Variants in ARHGAP26 observed in about 807,000 individuals in gnomAD.
ARHGAP26 encodes rho GTPase-activating protein 26.
A neutral mutation model predicts 104.8 loss-of-function variants in ARHGAP26; 38 were observed. The ratio of observed to expected loss-of-function variants is 0.36; its 90% CI spans 0.28 to 0.48. ARHGAP26 has a LOEUF of 0.48. ARHGAP26 is among the 20% of genes least tolerant of loss of function. ARHGAP26 has a pLI of 0.99. For synonymous variants in ARHGAP26, 341 were observed against 340.0 expected (o/e 1.00, Z -0.03); for missense variants, 704 against 947.9 (o/e 0.74, Z 3.38).
chr5:143,167,457 T>A (rs1802138442), intron 20 of ARHGAP26, among the ~76,000 whole-genome samples: 1 of 113,402 alleles, frequency 8.8e-6, no homozygotes, highest in Admixed American at 1.3e-4. Flanking sequence ...CACTCCAGCC[T>A]GCATGACAGA....
At chr5:143,092,553 A>T (rs1035153657) in intron 17 of ARHGAP26, among the ~76,000 whole-genome samples, 2 of 147,328 alleles carry the variant, frequency 1.4e-5, no homozygotes, top group Non-Finnish European at 1.5e-5. Flanking sequence ...TCCCCCCCCC[A>T]CCTTTTTTTT....
chr5:142,963,186 A>ATATG (rs1292960202), intron 11 of ARHGAP26, among the ~76,000 whole-genome samples: 1 of 100,226 alleles, frequency 1.0e-5, no homozygotes, highest in African/African-American at 7.3e-5. Flanking sequence ...ATATATATAT[A>ATATG]TATATATATA....
At chr5:143,206,215 A>G (rs1360821541) in intron 20 of ARHGAP26, among the ~76,000 whole-genome samples, 2 of 152,354 alleles carry the variant, frequency 1.3e-5, no homozygotes, top group East Asian at 3.9e-4. Flanking sequence ...CTTGTTTCAA[A>G]TAGTTCAGCA....
At chr5:142,819,719 AC>A (rs1400695036) in intron 1 of ARHGAP26, among the ~76,000 whole-genome samples, 3 of 152,232 alleles carry the variant, frequency 2.0e-5, no homozygotes, top group African/African-American at 7.2e-5. Context: ...AAAACTTATA[AC>A]TAAGGATCAA....
chr5:143,150,680 A>G (rs979114851), intron 20 of ARHGAP26, among the ~76,000 whole-genome samples: 3 of 152,228 alleles, frequency 2.0e-5, no homozygotes, highest in Admixed American at 6.5e-5. Flanking sequence ...GAGTCTTCAC[A>G]TAAAATTCAG....
At chr5:142,945,328 A>G (rs891428805) in intron 11 of ARHGAP26, among the ~76,000 whole-genome samples, 12 of 152,146 alleles carry the variant, frequency 7.9e-5, no homozygotes, top group Admixed American at 2.6e-4. Context: ...GCCACTCACT[A>G]TACCTATTCT....
intron 11 of ARHGAP26, among the ~76,000 whole-genome samples, chr5:142,962,398 A>C (rs1770403759): frequency 2.0e-5 from 3 of 152,230 alleles, no homozygotes. Flanking sequence ...ATATGAAAGA[A>C]TAGGGGAAAA....
At chr5:142,812,745 C>T (rs1764349847) in intron 1 of ARHGAP26, among the ~76,000 whole-genome samples, 2 of 151,856 alleles carry the variant, frequency 1.3e-5, no homozygotes, top group Admixed American at 1.3e-4. Context: ...GCTATGTTGC[C>T]CATGTTGGTC....
chr5:142,785,720 G>A (rs1758439274), intron 1 of ARHGAP26, among the ~76,000 whole-genome samples: 1 of 152,140 alleles, frequency 6.6e-6, no homozygotes, highest in African/African-American at 2.4e-5. Flanking sequence ...TGATGTTTGG[G>A]GGTGTCAGTG....
chr5:142,981,189 C>T (rs1773892169), intron 11 of ARHGAP26, among the ~76,000 whole-genome samples: 2 of 152,214 alleles, frequency 1.3e-5, no homozygotes, highest in Non-Finnish European at 2.9e-5. Flanking sequence ...AGAACATAGG[C>T]TTTGCTGCCC....
intron 1 of ARHGAP26, among the ~76,000 whole-genome samples, chr5:142,799,009 G>A (rs1367887334): frequency 6.6e-6 from 1 of 152,178 alleles, no homozygotes; most frequent in Non-Finnish European, 1.5e-5. Context: ...GCCCTGTTTA[G>A]GTGATGCTGT....
At chr5:143,056,138 T>A in intron 16 of ARHGAP26, 52 bp downstream of exon 16, 1 of 1,482,206 alleles carries the variant, frequency 6.7e-7, no homozygotes, top group Non-Finnish European at 9.4e-7. Context: ...TTTTTCTATT[T>A]CAAAGAAGAG....
chr5:142,869,854 T>C (rs139220454), intron 1 of ARHGAP26, among the ~76,000 whole-genome samples: 6 of 152,324 alleles, frequency 3.9e-5, no homozygotes, highest in Non-Finnish European at 8.8e-5. Flanking sequence ...AGAAGGGCAC[T>C]TCCTCTAGTC....
intron 3 of ARHGAP26, among the ~76,000 whole-genome samples, chr5:142,875,761 G>C (rs1299208175): frequency 6.6e-6 from 1 of 152,218 alleles, no homozygotes; most frequent in East Asian, 1.9e-4. Context: ...CTGGAAGACA[G>C]AGAGGGTCTC....
At chr5:142,961,210 G>T (rs37206) in intron 11 of ARHGAP26, among the ~76,000 whole-genome samples, 34,695 of 152,004 alleles carry the variant, frequency 0.23, 4,355 homozygotes, top group East Asian at 0.46. Context: ...ATGGATCCAC[G>T]CTGGGCACGG....
At chr5:143,050,892 C>T (rs1784918700) in intron 14 of ARHGAP26, among the ~76,000 whole-genome samples, 1 of 152,200 alleles carries the variant, frequency 6.6e-6, no homozygotes, top group African/African-American at 2.4e-5. Flanking sequence ...CTCCTCTGCT[C>T]CAGCCACCAT....
intron 11 of ARHGAP26, among the ~76,000 whole-genome samples, chr5:143,002,513 G>A (rs1777335521): frequency 6.6e-6 from 1 of 152,004 alleles, no homozygotes; most frequent in African/African-American, 2.4e-5. Flanking sequence ...CAGATGAGTG[G>A]GTTCACATCC....
At chr5:142,845,190 G>A (rs1480718060) in intron 1 of ARHGAP26, among the ~76,000 whole-genome samples, 2 of 152,170 alleles carry the variant, frequency 1.3e-5, no homozygotes, top group Non-Finnish European at 2.9e-5. Flanking sequence ...TGAGAGGAGA[G>A]GGAGCAGCAA....
At chr5:143,205,095 T>C (rs1381580259) in intron 20 of ARHGAP26, among the ~76,000 whole-genome samples, 1 of 151,618 alleles carries the variant, frequency 6.6e-6, no homozygotes, top group Admixed American at 6.6e-5. Context: ...TAGAGAGGAG[T>C]TGACACTTTT....
Sources: gnomAD v4.1 joint callset for allele counts (sites outside exome capture counted in the v4.1 genomes callset) on GRCh38, gnomAD v4.1.1 for gene constraint, MANE v1.5 for transcripts, NCBI Gene and HGNC (gene_info 2026-07-23, HGNC 2026-07-21) for gene names.